C8orf34: variants seen among roughly 807,000 people sequenced by gnomAD.
C8orf34 encodes the protein chromosome 8 open reading frame 34, also known as uncharacterized protein C8orf34.
A neutral mutation model predicts 68.3 loss-of-function variants in C8orf34; 65 were observed. The observed-to-expected ratio is 0.95, with a 90% CI of 0.78 to 1.17. The LOEUF (loss-of-function observed/expected upper bound fraction) is 1.17. Ranked by LOEUF, C8orf34 falls within the 50% of genes most tolerant of loss-of-function variation. C8orf34 has a pLI of 0.00. For synonymous variants in C8orf34, 244 were observed against 241.2 expected (o/e 1.01, Z -0.11); for missense variants, 664 against 655.4 (o/e 1.01, Z -0.14).
chr8:68,540,252 A>T (rs1418827101), intron 7 of C8orf34, among the ~76,000 whole-genome samples: 2 of 151,322 alleles, frequency 1.3e-5, no homozygotes, highest in African/African-American at 4.9e-5. Context: ...TTACTTTTCA[A>T]TTTTTTGGTT....
chr8:68,372,580 T>G (rs916022975), intron 1 of C8orf34, among the ~76,000 whole-genome samples: 12 of 152,140 alleles, frequency 7.9e-5, no homozygotes, highest in African/African-American at 2.9e-4. Flanking sequence ...GTTTTCCCAT[T>G]TTTGCAACTC....
chr8:68,594,048 T>A (rs1817472579), intron 7 of C8orf34, among the ~76,000 whole-genome samples: 1 of 152,104 alleles, frequency 6.6e-6, no homozygotes. Flanking sequence ...TTAAAAATAA[T>A]TTTTTAGTTA....
intron 12 of C8orf34, among the ~76,000 whole-genome samples, chr8:68,806,669 G>A (rs993504870): frequency 2.6e-5 from 4 of 152,100 alleles, no homozygotes; most frequent in African/African-American, 9.7e-5. Context: ...TAGGTTCTTT[G>A]TATTAGACTT....
At chr8:68,638,133 A>G (rs1219112067) in intron 7 of C8orf34, among the ~76,000 whole-genome samples, 1 of 152,160 alleles carries the variant, frequency 6.6e-6, no homozygotes, top group Non-Finnish European at 1.5e-5. Flanking sequence ...CTACTCTCTG[A>G]GGTCATTATC....
At chr8:68,650,510 C>CGG (rs1451094181) in intron 8 of C8orf34, among the ~76,000 whole-genome samples, 1 of 138,356 alleles carries the variant, frequency 7.2e-6, no homozygotes, top group African/African-American at 2.7e-5. Context: ...GACGGAGTCT[C>CGG]GCTCTGTCGC....
chr8:68,332,617 GGC>G (rs1374571114), intron 1 of C8orf34, among the ~76,000 whole-genome samples: 2 of 152,224 alleles, frequency 1.3e-5, no homozygotes, highest in East Asian at 3.9e-4. Context: ...GCAAAAAAAG[GGC>G]GCGGAGGACA....
intron 1 of C8orf34, among the ~76,000 whole-genome samples, chr8:68,434,653 A>G (rs757438545): frequency 6.6e-6 from 1 of 152,212 alleles, no homozygotes; most frequent in Non-Finnish European, 1.5e-5. Flanking sequence ...CAACAAAATT[A>G]TAATTAACAA....
At chr8:68,541,722 C>T (rs1011239145) in intron 7 of C8orf34, among the ~76,000 whole-genome samples, 1 of 152,090 alleles carries the variant, frequency 6.6e-6, no homozygotes, top group Non-Finnish European at 1.5e-5. Context: ...CTTCTAATTT[C>T]TTCCCTTCTT....
chr8:68,773,280 G>T (rs1164904636), intron 10 of C8orf34, among the ~76,000 whole-genome samples: 1 of 152,194 alleles, frequency 6.6e-6, no homozygotes, highest in Non-Finnish European at 1.5e-5. Context: ...TGACCCATCA[G>T]AATCAGAGAT....
At chr8:68,759,671 C>T (rs1190920835) in intron 10 of C8orf34, among the ~76,000 whole-genome samples, 1 of 152,128 alleles carries the variant, frequency 6.6e-6, no homozygotes, top group Non-Finnish European at 1.5e-5. Flanking sequence ...AGAAAGTTAT[C>T]CTTGATTTTT....
intron 8 of C8orf34, among the ~76,000 whole-genome samples, chr8:68,662,662 T>G (rs1563593721): frequency 1.3e-5 from 2 of 152,200 alleles, no homozygotes. Context: ...CTTTTCTTTA[T>G]AAATTACCCA....
chr8:68,805,663 G>T (rs59959493), intron 12 of C8orf34, among the ~76,000 whole-genome samples: 14,065 of 151,938 alleles, frequency 0.093, 737 homozygotes, highest in Non-Finnish European at 0.12. Flanking sequence ...TTAAAAATTG[G>T]TTTGTATGGT....
chr8:68,511,509 C>G (rs1225263725), intron 5 of C8orf34, among the ~76,000 whole-genome samples: 1 of 152,106 alleles, frequency 6.6e-6, no homozygotes, highest in Admixed American at 6.5e-5. Context: ...AGCGGTGACT[C>G]AGGTCAAAGC....
At position 68,717,713 on chromosome 8, in the gene C8orf34, T is replaced by C. The variant is rs142455619; in HGVS notation, c.1328-3648T>C. On this transcript the variant is annotated intron_variant, in intron 9 of 13. Transcript: ENST00000518698. The stretch of plus-strand genomic sequence containing the variant: ...TGATATATTTTACATGTTATATTTA[T>C]ATAAATGTTTTACAGATGTTGCATT... Among the ~76,000 whole-genome samples, 58 of 152,288 alleles carry C rather than the reference T, an allele frequency of 3.8e-4. No homozygotes were observed. In the East Asian group the frequency reaches 5.6e-3, roughly 15 times the overall value.
At chr8:68,476,689 T>G (rs1484928806) in intron 4 of C8orf34, among the ~76,000 whole-genome samples, 2 of 152,164 alleles carry the variant, frequency 1.3e-5, no homozygotes, top group Non-Finnish European at 2.9e-5. Flanking sequence ...CCATACATAT[T>G]TATGTGGGCA....
chr8:68,487,983 C>T, intron 4 of C8orf34, 40 bp from the exon 5 acceptor site: 1 of 1,431,868 alleles, frequency 7.0e-7, no homozygotes, highest in Non-Finnish European at 9.7e-7. Flanking sequence ...CTAAAGATTG[C>T]TTCTAAAACT....
At chr8:68,753,393 A>G (rs1460628966) in intron 10 of C8orf34, among the ~76,000 whole-genome samples, 13 of 152,250 alleles carry the variant, frequency 8.5e-5, no homozygotes, top group Non-Finnish European at 1.9e-4. Context: ...TAAAAACATA[A>G]TGGTTCTCTA....
rs1156352966 is a variant in C8orf34, at chr8:68,411,259, G to A, written c.328-28240G>A. On this transcript the variant is annotated intron_variant, in intron 1 of 13. Transcript: ENST00000518698. ...CACAAATGTTAAAGAATCATGAACT[G>A]CATGGTTTCTAAGTAGTATTTCTGG... Among the ~76,000 whole-genome samples, 5 of 152,136 alleles carry A rather than the reference G, an allele frequency of 3.3e-5. No individual in the cohort carries two copies. In the East Asian group the frequency reaches 9.6e-4, roughly 29 times the overall value.
At chr8:68,506,350 T>C (rs1186820905) in intron 5 of C8orf34, among the ~76,000 whole-genome samples, 2 of 152,206 alleles carry the variant, frequency 1.3e-5, no homozygotes, top group East Asian at 3.9e-4. Context: ...TTGCTTCTCA[T>C]AGATTTAATT....
Sources: allele counts gnomAD v4.1 joint callset (sites outside exome capture counted in the v4.1 genomes callset), GRCh38; gene constraint gnomAD v4.1.1; transcripts MANE v1.5; gene names NCBI Gene and HGNC (gene_info 2026-07-23, HGNC 2026-07-21).